The following ADGRL2 variants were observed in gnomAD, a reference collection of about 807,000 sequenced individuals.
The protein encoded by ADGRL2 is calcium-independent alpha-latrotoxin receptor 2.
In ADGRL2, 44 loss-of-function variants were observed where a neutral mutation model predicts 157.4. The ratio of observed to expected loss-of-function variants is 0.28; its 90% CI spans 0.22 to 0.36. The LOEUF (loss-of-function observed/expected upper bound fraction) is 0.36, where lower values mean the gene tolerates loss of function less well. Ranked by LOEUF, ADGRL2 falls within the 10% of genes least tolerant of loss-of-function variation. The pLI is 1.00. For synonymous variants in ADGRL2, 585 were observed against 624.7 expected (o/e 0.94, Z 0.95); for missense variants, 1,510 against 1,768.9 (o/e 0.85, Z 2.63).
chr1:81,887,911 A>C (rs1163503526), intron 2 of ADGRL2, among the ~76,000 whole-genome samples: 2 of 152,228 alleles, frequency 1.3e-5, no homozygotes, highest in East Asian at 3.8e-4. Flanking sequence ...ATATTAGAGT[A>C]CATCCTTTAA....
chr1:81,366,811 T>G (rs182640635), intron 1 of ADGRL2, among the ~76,000 whole-genome samples: 6 of 152,344 alleles, frequency 3.9e-5, no homozygotes, highest in African/African-American at 1.4e-4. Context: ...GTTGCTGGAT[T>G]CTATGTGATG....
chr1:81,633,509 T>C (rs949715072), intron 3 of ADGRL2, among the ~76,000 whole-genome samples: 2 of 140,856 alleles, frequency 1.4e-5, no homozygotes, highest in Admixed American at 1.6e-4. Flanking sequence ...GGCAGGAGAA[T>C]CACTTGAACT....
chr1:81,427,808 A>G (rs113091595), intron 1 of ADGRL2, among the ~76,000 whole-genome samples: 21 of 152,282 alleles, frequency 1.4e-4, no homozygotes, highest in African/African-American at 4.3e-4. Context: ...TGCCATAGCC[A>G]TAGTTTGCAA....
chr1:81,504,998 C>T, intron 2 of ADGRL2: 2 of 377,672 alleles, frequency 5.3e-6, no homozygotes, highest in South Asian at 5.7e-5. Flanking sequence ...CAGAACACCA[C>T]CACTGTGACA....
At chr1:81,537,617 T>C (rs2079774740) in intron 2 of ADGRL2, among the ~76,000 whole-genome samples, 3 of 152,100 alleles carry the variant, frequency 2.0e-5, no homozygotes, top group Admixed American at 2.0e-4. Flanking sequence ...AAGCATTTTA[T>C]CTTTACTAAA....
intron 3 of ADGRL2, among the ~76,000 whole-genome samples, chr1:81,632,342 A>G (rs1321697523): frequency 6.6e-6 from 1 of 152,226 alleles, no homozygotes; most frequent in South Asian, 2.1e-4. Context: ...TGCAGGAACT[A>G]TTGGAGCAAG....
chr1:81,989,522 T>C (rs191853943), intron 23 of ADGRL2: 277 of 626,868 alleles, frequency 4.4e-4, no homozygotes, highest in Non-Finnish European at 5.9e-4. Flanking sequence ...AAATAATAAA[T>C]ATTAAATGAA....
intron 2 of ADGRL2, among the ~76,000 whole-genome samples, chr1:81,507,290 G>A (rs1216150884): frequency 6.6e-6 from 1 of 152,080 alleles, no homozygotes; most frequent in African/African-American, 2.4e-5. Flanking sequence ...CTGCACAGAA[G>A]GAGACTTAAT....
Position 81,990,256 on chromosome 1 carries a change from C to T in ADGRL2, c.3656-135C>T, listed in dbSNP as rs190712331. On this transcript the variant is annotated intron_variant, in intron 23 of 23. Transcript: ENST00000686636. ...ATTTACAGTTGGGAATGCAGGAAAG[C>T]CTGGCACTTTTCAAGTGTTAGCTTT... 4.4e-5 allele frequency: 66 copies of T among 1,494,004 alleles called. No homozygotes were observed. In the Admixed American group the frequency reaches 1.4e-3, roughly 32 times the overall value. 92.5% of individuals were successfully genotyped at this position (1,494,004 alleles called of 1,614,324 possible).
At chr1:81,705,348 G>T (rs1196988535) in intron 1 of ADGRL2, among the ~76,000 whole-genome samples, 2 of 152,060 alleles carry the variant, frequency 1.3e-5, no homozygotes, top group Non-Finnish European at 2.9e-5. Flanking sequence ...TTATTTTTCT[G>T]GCAGCAATGT....
rs188627779 is a variant in ADGRL2, at chr1:81,671,306, A to G, written c.-143+90326A>G. 2.5e-3 allele frequency among the ~76,000 whole-genome samples: 383 copies of G among 152,300 alleles called. 2 individuals are homozygous for G. Among genetic ancestry groups the G allele is most frequent in the African/African-American group, 8.7e-3 (363 of 41,556 alleles). Reference sequence around the variant, plus strand: ...TGGAAGTGCTTGTTCTTAACCACTCACTAAACTGTACTGCCTTAGATAATG... The same window carrying G: ...TGGAAGTGCTTGTTCTTAACCACTCGCTAAACTGTACTGCCTTAGATAATG... On this transcript the variant is annotated intron_variant, in intron 3 of 24. Coordinates refer to the ADGRL2 transcript ENST00000370721.
At chr1:81,650,958 G>A (rs1228020278) in intron 3 of ADGRL2, among the ~76,000 whole-genome samples, 2 of 152,122 alleles carry the variant, frequency 1.3e-5, no homozygotes, top group African/African-American at 2.4e-5. Flanking sequence ...TACCTGGCAT[G>A]TTTCCCAAGA....
At chr1:81,467,202 A>C (rs1168791542) in intron 2 of ADGRL2, among the ~76,000 whole-genome samples, 1 of 152,262 alleles carries the variant, frequency 6.6e-6, no homozygotes, top group Non-Finnish European at 1.5e-5. Flanking sequence ...TTCAGTAATA[A>C]ATGCAGCCGT....
Position 81,993,040 on chromosome 1 carries a change from G to C in ADGRL2, c.*1895G>C, listed in dbSNP as rs1231774965. ...AAAAGGAATGAGATTTAAAAATTAA[G>C]TGCATATATATAATATACATATATA... On this transcript the variant is annotated 3_prime_UTR_variant, in exon 24 of 24. Coordinates refer to ENST00000686636, the MANE Select transcript of ADGRL2 (RefSeq NM_001366006.2). 6.1e-5 allele frequency among the ~76,000 whole-genome samples: 7 copies of C among 114,552 alleles called. No homozygotes were observed. 75.2% of individuals were successfully genotyped at this position (114,552 alleles called of 152,430 possible).
At chr1:81,987,387 C>T in intron 22 of ADGRL2, 1 of 1,262,764 alleles carries the variant, frequency 7.9e-7, no homozygotes, top group Non-Finnish European at 1.2e-6. Context: ...CTAAAGCTTG[C>T]TGACAAAATT....
chr1:81,689,768 G>GC (rs1368864105), intron 3 of ADGRL2, among the ~76,000 whole-genome samples: 1 of 152,188 alleles, frequency 6.6e-6, no homozygotes, highest in African/African-American at 2.4e-5. Flanking sequence ...GCAGGAAGGA[G>GC]CCAGTGCGTT....
rs2094911057 is a variant in ADGRL2 at position 81,918,541 on chromosome 1, C to T, written c.287+11311C>T. ...AAATTACCAATGTACCATACTTTCC[C>T]CCTCTTGATGAGTAAAATATGAAAT... is the stretch of plus-strand genomic sequence containing the variant. On this transcript the variant is annotated intron_variant, in intron 3 of 23. Coordinates refer to ENST00000686636, the MANE Select transcript of ADGRL2 (RefSeq NM_001366006.2). Among the ~76,000 whole-genome samples the T allele has an allele frequency of 3.3e-5, 5 of 152,044 alleles. No individual in the cohort carries two copies. The South Asian group carries it at 1.0e-3, about 32-fold the overall frequency.
chr1:81,887,098 C>A (rs546304809), intron 2 of ADGRL2, among the ~76,000 whole-genome samples: 1 of 152,288 alleles, frequency 6.6e-6, no homozygotes, highest in East Asian at 1.9e-4. Flanking sequence ...TAAGTAAATT[C>A]ATACACTGAT....
chr1:81,984,813 T>C, intron 20 of ADGRL2, 102 bp downstream of exon 20: 4 of 1,270,244 alleles, frequency 3.1e-6, no homozygotes, highest in Non-Finnish European at 4.3e-6. Context: ...ATTATAATGA[T>C]CTAGATAGCA....
Sources: gnomAD v4.1 joint callset for allele counts (sites outside exome capture counted in the v4.1 genomes callset) on GRCh38, gnomAD v4.1.1 for gene constraint, MANE v1.5 for transcripts, NCBI Gene and HGNC (gene_info 2026-07-23, HGNC 2026-07-21) for gene names.